The following NRG3 variants were observed in gnomAD, a reference collection of about 807,000 sequenced individuals.
NRG3 encodes the protein neuregulin 3.
In NRG3, 31 loss-of-function variants were observed where a neutral mutation model predicts 66.9. That is an observed-to-expected ratio of 0.46 (90% CI 0.35 to 0.63). The LOEUF (loss-of-function observed/expected upper bound fraction) is 0.63. Among genes scored for constraint, NRG3 ranks in the 20% least tolerant of loss-of-function variants. NRG3 has a pLI of 0.00. For missense variants in NRG3, 910 were observed against 878.9 expected (o/e 1.04, Z -0.45); for synonymous variants, 393 against 359.4 (o/e 1.09, Z -1.06).
chr10:81,958,239 G>A (rs760659556), intron 1 of NRG3, among the ~76,000 whole-genome samples: 1 of 152,160 alleles, frequency 6.6e-6, no homozygotes, highest in Non-Finnish European at 1.5e-5. Flanking sequence ...TTTGGTGGTT[G>A]GAGGTATGTA....
chr10:81,951,826 T>G (rs976131869), intron 1 of NRG3, among the ~76,000 whole-genome samples: 3 of 152,320 alleles, frequency 2.0e-5, no homozygotes, highest in African/African-American at 4.8e-5. Context: ...TGCACACATA[T>G]GTTTACTGCG....
chr10:82,867,118 C>G (rs1474290307), intron 4 of NRG3, among the ~76,000 whole-genome samples: 2 of 152,168 alleles, frequency 1.3e-5, no homozygotes, highest in African/African-American at 2.4e-5. Flanking sequence ...TATAATGGCT[C>G]AAAGACGGTA....
chr10:82,305,140 G>A lies in NRG3; in HGVS notation c.824-53599G>A, dbSNP rs183631475. 8.6e-3 allele frequency among the ~76,000 whole-genome samples: 1,307 copies of A among 151,362 alleles called. 15 individuals carry two copies. The highest frequency in any genetic ancestry group is 0.029 in the African/African-American group (1,197 of 41,242). ...CTCCCGAGTAGCTGGGACTACAGGC[G>A]CCCACCACCACGCTCGGCTAATTTT... On this transcript the variant is annotated intron_variant, in intron 1 of 8. Coordinates refer to ENST00000372141, the MANE Select transcript of NRG3 (RefSeq NM_001010848.4).
chr10:82,848,463 A>G (rs2063411478), intron 3 of NRG3, among the ~76,000 whole-genome samples: 1 of 152,184 alleles, frequency 6.6e-6, no homozygotes, highest in South Asian at 2.1e-4. Flanking sequence ...CATTGTATCT[A>G]GGAAGTAACT....
At chr10:82,608,543 A>G (rs958829151) in intron 2 of NRG3, among the ~76,000 whole-genome samples, 3 of 152,212 alleles carry the variant, frequency 2.0e-5, no homozygotes, top group East Asian at 3.9e-4. Context: ...CGAAATCCCT[A>G]TTGTTGTGGT....
At chr10:82,453,054 T>C (rs1413087238) in intron 2 of NRG3, among the ~76,000 whole-genome samples, 2 of 152,194 alleles carry the variant, frequency 1.3e-5, no homozygotes, top group Non-Finnish European at 2.9e-5. Context: ...GTTTTCCAAC[T>C]GTACCACTCT....
intron 7 of NRG3, among the ~76,000 whole-genome samples, chr10:82,977,703 G>C (rs2132633452): frequency 6.6e-6 from 1 of 151,848 alleles, no homozygotes; most frequent in East Asian, 1.9e-4. Flanking sequence ...ATGTTGGCTT[G>C]AGGAATATAA....
At chr10:81,985,906 A>G (rs370095897) in intron 1 of NRG3, among the ~76,000 whole-genome samples, 6 of 152,244 alleles carry the variant, frequency 3.9e-5, no homozygotes, top group African/African-American at 1.4e-4. Flanking sequence ...ATAAATCTGT[A>G]TCAGTCATTT....
intron 2 of NRG3, among the ~76,000 whole-genome samples, chr10:82,492,161 A>G (rs1327060150): frequency 2.0e-5 from 3 of 151,960 alleles, no homozygotes; most frequent in African/African-American, 7.3e-5. Context: ...CACTTCTAAA[A>G]CTCTTGATAA....
intron 1 of NRG3, among the ~76,000 whole-genome samples, chr10:82,313,237 T>C (rs2081125458): frequency 6.6e-6 from 1 of 151,980 alleles, no homozygotes; most frequent in Non-Finnish European, 1.5e-5. Flanking sequence ...CCTAGGAGGC[T>C]GAGGCAAGAG....
chr10:82,252,372 C>T (rs922799811), intron 1 of NRG3, among the ~76,000 whole-genome samples: 2 of 152,148 alleles, frequency 1.3e-5, no homozygotes, highest in South Asian at 2.1e-4. Flanking sequence ...CTGGTCTTCA[C>T]AAATTTTCTA....
intron 3 of NRG3, among the ~76,000 whole-genome samples, chr10:82,758,929 C>A (rs1384130118): frequency 1.3e-5 from 2 of 151,662 alleles, no homozygotes; most frequent in Non-Finnish European, 2.9e-5. Flanking sequence ...GTAAAATAGA[C>A]CATCACCACC....
chr10:82,517,955 T>C (rs752381188), intron 2 of NRG3, among the ~76,000 whole-genome samples: 1 of 152,180 alleles, frequency 6.6e-6, no homozygotes, highest in Non-Finnish European at 1.5e-5. Flanking sequence ...TTTTGTCTCA[T>C]GCATCAGGGA....
At chr10:82,477,644 G>A (rs941377528) in intron 2 of NRG3, among the ~76,000 whole-genome samples, 6 of 152,250 alleles carry the variant, frequency 3.9e-5, no homozygotes, top group Non-Finnish European at 8.8e-5. Flanking sequence ...GAACCTTGAT[G>A]TTTTTTAGCA....
In NRG3 at chr10:82,607,569, T is replaced by G. The variant is rs570768818; in HGVS notation, c.954-131008T>G. On this transcript the variant is annotated intron_variant, in intron 2 of 8. Coordinates refer to ENST00000372141, the MANE Select transcript of NRG3 (RefSeq NM_001010848.4). ...TTTAATTGATGTATCAAACCTTTGA[T>G]ATTTAAATGATGATATAGTTGGATT... Among the ~76,000 whole-genome samples, 35 of 152,298 alleles carry G rather than the reference T, an allele frequency of 2.3e-4. No individual in the cohort carries two copies. In the South Asian group the frequency reaches 3.9e-3, roughly 17 times the overall value.
chr10:82,689,889 T>A (rs1371300787), intron 2 of NRG3, among the ~76,000 whole-genome samples: 1 of 152,174 alleles, frequency 6.6e-6, no homozygotes, highest in Non-Finnish European at 1.5e-5. Context: ...ATTTTTTTCA[T>A]TCTTGCTTGG....
intron 1 of NRG3, among the ~76,000 whole-genome samples, chr10:81,975,744 A>G (rs568770135): frequency 6.6e-6 from 1 of 152,288 alleles, no homozygotes; most frequent in South Asian, 2.1e-4. Context: ...GTTATGTTAC[A>G]TGTCAAGGGA....
In NRG3 at chr10:82,265,310, G is replaced by A. The variant is rs575595995; in HGVS notation, c.824-93429G>A. 1.1e-4 allele frequency among the ~76,000 whole-genome samples: 16 copies of A among 152,184 alleles called. 1 individual carries two copies. Among genetic ancestry groups the A allele is most frequent in the Admixed American group, 8.5e-4 (13 of 15,272 alleles). ...GGATTTTGACAATGGAAGGACAGAAGTGTGGGGATGTTCAACTGGATTTAT... is the reference window on the plus strand; with the variant it reads ...GGATTTTGACAATGGAAGGACAGAAATGTGGGGATGTTCAACTGGATTTAT... On this transcript the variant is annotated intron_variant, in intron 1 of 8. Transcript: ENST00000372141.
At chr10:82,939,659 T>A (rs530356768) in intron 4 of NRG3, among the ~76,000 whole-genome samples, 2 of 152,002 alleles carry the variant, frequency 1.3e-5, no homozygotes, top group South Asian at 2.1e-4. Flanking sequence ...TTAGTAGAGA[T>A]GGGGTTTCAT....
Sources: gnomAD v4.1 joint callset for allele counts (sites outside exome capture counted in the v4.1 genomes callset) on GRCh38, gnomAD v4.1.1 for gene constraint, MANE v1.5 for transcripts, NCBI Gene and HGNC (gene_info 2026-07-23, HGNC 2026-07-21) for gene names.